DESI2: variants seen among roughly 807,000 people sequenced by gnomAD.
DESI2 encodes deubiquitinase DESI2.
A neutral mutation model predicts 24.1 loss-of-function variants in DESI2; 10 were observed. The observed-to-expected ratio is 0.41, with a 90% CI of 0.26 to 0.70. The LOEUF is 0.70. Among genes scored for constraint, DESI2 ranks in the 30% least tolerant of loss-of-function variants. DESI2 has a pLI of 0.29. For synonymous variants in DESI2, 71 were observed against 87.7 expected, an observed-to-expected ratio of 0.81 and a Z score of 1.06; for missense variants, 122 against 234.9, an observed-to-expected ratio of 0.52 and a Z score of 3.14.
At chr1:244,697,183 G>A (rs141491245) in intron 4 of DESI2, among the ~76,000 whole-genome samples, 89 of 152,156 alleles carry the variant, frequency 5.8e-4, no homozygotes, top group East Asian at 5.4e-3. Context: ...AAAACGGGGC[G>A]GTTGTGGAGA....
chr1:244,694,782 ATTTG>A (rs907260408), intron 4 of DESI2: 1 of 561,510 alleles, frequency 1.8e-6, no homozygotes, highest in African/African-American at 1.9e-5. Flanking sequence ...AGCCATGCTT[ATTTG>A]TTTACCTGTT....
intron 2 of DESI2, among the ~76,000 whole-genome samples, 177 bp downstream of exon 2, chr1:244,686,846 ATG>A (rs1334318090): frequency 6.6e-6 from 1 of 152,208 alleles, no homozygotes; most frequent in Non-Finnish European, 1.5e-5. Flanking sequence ...CCAAAGTAGA[ATG>A]TATTTGGGGA....
intron 1 of DESI2, chr1:244,656,443 A>T (rs1158442983): frequency 6.6e-6 from 1 of 152,150 alleles, no homozygotes; most frequent in African/African-American, 2.4e-5. Flanking sequence ...TAGTGTTCCT[A>T]TTGCTTGCTG....
At chr1:244,692,866 C>G (rs1008082300) in intron 4 of DESI2, among the ~76,000 whole-genome samples, 6 of 152,184 alleles carry the variant, frequency 3.9e-5, no homozygotes, top group African/African-American at 1.4e-4. Context: ...TCTGCCCCAC[C>G]AGAGATACAC....
intron 1 of DESI2, among the ~76,000 whole-genome samples, chr1:244,655,912 C>T (rs1675630639): frequency 6.6e-6 from 1 of 152,124 alleles, no homozygotes; most frequent in African/African-American, 2.4e-5. Context: ...TGAGGGGGCT[C>T]CTTGAGCCAG....
chr1:244,692,168 A>G, intron 4 of DESI2, 148 bp downstream of exon 4: 1 of 711,130 alleles, frequency 1.4e-6, no homozygotes, highest in Non-Finnish European at 2.2e-6. Context: ...TCTTGTATGA[A>G]TGACCTTTCC....
chr1:244,654,170 A>C (rs1675567148), intron 1 of DESI2: 1 of 377,414 alleles, frequency 2.6e-6, no homozygotes, highest in Admixed American at 3.4e-5. Flanking sequence ...CCCCAGAAAA[A>C]AGCACCCGGT....
chr1:244,707,131 G>A lies in DESI2; in HGVS notation c.*1342G>A, dbSNP rs1558141153. On this transcript the variant is annotated 3_prime_UTR_variant, in exon 5 of 5. Coordinates refer to ENST00000302550, the MANE Select transcript of DESI2 (RefSeq NM_016076.5). ...TTGGATGCAGTGTAACACTATCCAA[G>A]GCAGTGACTTCAGCTTTATATACAT... The A allele has an allele frequency of 6.6e-6, 1 of 152,542 alleles. No individual in the cohort carries two copies. Among genetic ancestry groups the A allele is most frequent in the African/African-American group, 2.4e-5 (1 of 41,420 alleles). The allele number at this position is 152,542 out of a possible 1,614,324, so 9.4% of individuals were successfully genotyped here.
At chr1:244,695,068 C>A (rs997546191) in intron 4 of DESI2, among the ~76,000 whole-genome samples, 4 of 152,212 alleles carry the variant, frequency 2.6e-5, no homozygotes, top group African/African-American at 9.7e-5. Context: ...GGTCTTTATT[C>A]ATTTCTCTAA....
Position 244,702,681 on chromosome 1 carries a change from G to A in DESI2, c.352-2875G>A, listed in dbSNP as rs74763897. Among the ~76,000 whole-genome samples, 1,022 of 152,208 alleles carry A rather than the reference G, an allele frequency of 6.7e-3. 16 individuals carry two copies. Among genetic ancestry groups the A allele is most frequent in the African/African-American group, 0.023 (960 of 41,490 alleles). On this transcript the variant is annotated intron_variant, in intron 4 of 4. Transcript: ENST00000302550. ...AGGGGATACATAAACCAATAGACAC[G>A]GCTGTGTTTCAGTAAAACTATCTAC...
At chr1:244,653,578 C>T (rs1331504151) in intron 1 of DESI2, 1 of 530,870 alleles carries the variant, frequency 1.9e-6, no homozygotes, top group East Asian at 3.5e-5. Flanking sequence ...GGCCAAAGCT[C>T]GGGTGGGCTT....
chr1:244,674,614 G>A (rs962449029), intron 1 of DESI2, among the ~76,000 whole-genome samples: 1 of 152,140 alleles, frequency 6.6e-6, no homozygotes, highest in African/African-American at 2.4e-5. Flanking sequence ...TGTAATATGT[G>A]GTCTTTTGTG....
chr1:244,693,307 C>A (rs1259765866), intron 4 of DESI2, among the ~76,000 whole-genome samples: 1 of 152,228 alleles, frequency 6.6e-6, no homozygotes, highest in Non-Finnish European at 1.5e-5. Flanking sequence ...ACCACCACAT[C>A]AGCCCTGGTC....
chr1:244,690,687 A>G (rs565607384), intron 3 of DESI2, among the ~76,000 whole-genome samples: 2 of 151,960 alleles, frequency 1.3e-5, no homozygotes, highest in Admixed American at 1.3e-4. Flanking sequence ...CCTGGGCAAC[A>G]AGAGTAAATC....
chr1:244,671,433 G>A lies in DESI2; in HGVS notation c.43-15164G>A, dbSNP rs147909198. 1.6e-3 allele frequency among the ~76,000 whole-genome samples: 247 copies of A among 152,122 alleles called. 1 individual carries two copies. Among genetic ancestry groups the A allele is most frequent in the African/African-American group, 5.6e-3 (234 of 41,488 alleles). ...ATATGTAACTCTTCATCCCACCTTC[G>A]GCAGCTGCCTGAGAGCAATAGTTCT... On this transcript the variant is annotated intron_variant, in intron 1 of 4. Coordinates refer to ENST00000302550, the MANE Select transcript of DESI2 (RefSeq NM_016076.5).
In DESI2 at chr1:244,706,042, A is replaced by G. The variant is rs1677689759; in HGVS notation, c.*253A>G. ...TCTGGATTTATTTCTTCTGTTTTAT[A>G]CAAGCTCTGTTAAGTTATGTTTACA... On this transcript the variant is annotated 3_prime_UTR_variant, in exon 5 of 5. Coordinates refer to ENST00000302550, the MANE Select transcript of DESI2 (RefSeq NM_016076.5). The G allele has an allele frequency of 2.1e-6, 1 of 468,864 alleles. No homozygotes were observed. Among genetic ancestry groups the G allele is most frequent in the Non-Finnish European group, 3.9e-6 (1 of 258,996 alleles). 29.0% of individuals were successfully genotyped at this position (468,864 alleles called of 1,614,324 possible).
intron 1 of DESI2, among the ~76,000 whole-genome samples, chr1:244,669,464 A>C (rs1676167771): frequency 6.6e-6 from 1 of 152,070 alleles, no homozygotes; most frequent in Non-Finnish European, 1.5e-5. Context: ...GGATCACCTG[A>C]GGTCAGGAGT....
intron 2 of DESI2, among the ~76,000 whole-genome samples, chr1:244,687,050 C>T (rs1483620281): frequency 6.6e-6 from 1 of 152,038 alleles, no homozygotes; most frequent in Non-Finnish European, 1.5e-5. Context: ...TAATTTTGGT[C>T]GGAAAGGTTG....
intron 1 of DESI2, among the ~76,000 whole-genome samples, chr1:244,669,447 G>A (rs1187654354): frequency 6.6e-6 from 1 of 152,122 alleles, no homozygotes; most frequent in Non-Finnish European, 1.5e-5. Flanking sequence ...GGGAGGCCGA[G>A]GTGGGCGGAT....
Sources: allele counts gnomAD v4.1 joint callset (sites outside exome capture counted in the v4.1 genomes callset), GRCh38; gene constraint gnomAD v4.1.1; transcripts MANE v1.5; gene names NCBI Gene and HGNC (gene_info 2026-07-23, HGNC 2026-07-21).